Variants in ASTN1 observed in about 807,000 individuals in gnomAD.
ASTN1 encodes astrotactin 1.
A neutral mutation model predicts 140.7 loss-of-function variants in ASTN1; 41 were observed. The observed-to-expected ratio is 0.29, with a 90% CI of 0.23 to 0.38. ASTN1 has a LOEUF of 0.38. ASTN1 is among the 10% of genes least tolerant of loss of function. The pLI is 1.00. For synonymous variants in ASTN1, 640 were observed against 652.2 expected (o/e 0.98, Z 0.29); for missense variants, 1,479 against 1,678.8 (o/e 0.88, Z 2.08).
intron 8 of ASTN1, among the ~76,000 whole-genome samples, chr1:176,999,191 A>G (rs937643190): frequency 1.3e-5 from 2 of 152,220 alleles, no homozygotes; most frequent in African/African-American, 4.8e-5. Context: ...GAGACTGTGG[A>G]GGCAAAATCT....
chr1:176,956,843 A>T (rs1175294519), intron 11 of ASTN1, among the ~76,000 whole-genome samples: 1 of 152,194 alleles, frequency 6.6e-6, no homozygotes, highest in Non-Finnish European at 1.5e-5. Context: ...CTTCACATCC[A>T]TGATGTGGGA....
chr1:177,144,868 G>A (rs1571847020), intron 1 of ASTN1, among the ~76,000 whole-genome samples: 1 of 152,086 alleles, frequency 6.6e-6, no homozygotes, highest in African/African-American at 2.4e-5. Context: ...GGGATCTGGC[G>A]TAAGCCACGA....
intron 20 of ASTN1, among the ~76,000 whole-genome samples, chr1:176,878,554 G>A (rs1202856624): frequency 2.0e-5 from 3 of 151,986 alleles, no homozygotes. Flanking sequence ...TGTTTCATCA[G>A]CTTCTGGTAC....
At chr1:176,964,305 G>A (rs999085850) in intron 9 of ASTN1, among the ~76,000 whole-genome samples, 11 of 152,270 alleles carry the variant, frequency 7.2e-5, no homozygotes, top group African/African-American at 2.6e-4. Flanking sequence ...TTCATCAGCC[G>A]CTTATGCAGG....
intron 1 of ASTN1, among the ~76,000 whole-genome samples, chr1:177,114,011 G>A (rs1680953914): frequency 2.6e-5 from 4 of 152,134 alleles, no homozygotes; most frequent in Non-Finnish European, 5.9e-5. Flanking sequence ...ATGATGACTG[G>A]GAGAAGTCAA....
chr1:177,037,638 T>C (rs1676784600), intron 2 of ASTN1, among the ~76,000 whole-genome samples: 1 of 152,236 alleles, frequency 6.6e-6, no homozygotes, highest in South Asian at 2.1e-4. Flanking sequence ...TTGTAAACTC[T>C]GAACATTAAA....
intron 1 of ASTN1, among the ~76,000 whole-genome samples, chr1:177,095,994 G>A (rs983608502): frequency 6.6e-6 from 1 of 152,152 alleles, no homozygotes; most frequent in African/African-American, 2.4e-5. Context: ...AGACTATTCT[G>A]GAGACTTAAT....
Position 177,062,751 on chromosome 1 carries a change from G to A in ASTN1, c.284-1486C>T, listed in dbSNP as rs143053579. ...AATATATTTCACTATTTGTGGGAGGGCACAACTGATGTTATTTATTTATCG... is the reference window on the plus strand; with the variant it reads ...AATATATTTCACTATTTGTGGGAGGACACAACTGATGTTATTTATTTATCG... On this transcript the variant is annotated intron_variant, in intron 1 of 22. Transcript: ENST00000361833. Among the ~76,000 whole-genome samples the A allele has an allele frequency of 1.4e-4, 22 of 152,260 alleles. No homozygotes were observed. The East Asian group carries it at 4.1e-3, about 28-fold the overall frequency.
At chr1:176,878,560 GGT>G (rs1235275622) in intron 20 of ASTN1, among the ~76,000 whole-genome samples, 1 of 151,948 alleles carries the variant, frequency 6.6e-6, no homozygotes, top group Non-Finnish European at 1.5e-5. Context: ...ATCAGCTTCT[GGT>G]ACTGTTTCTA....
At chr1:176,919,042 G>A (rs1473943576) in intron 16 of ASTN1, among the ~76,000 whole-genome samples, 1 of 152,180 alleles carries the variant, frequency 6.6e-6, no homozygotes, top group African/African-American at 2.4e-5. Context: ...GGGGGCCACT[G>A]CCCCTGTTAC....
At chr1:176,881,196 T>C (rs1220148678) in intron 20 of ASTN1, among the ~76,000 whole-genome samples, 1 of 152,208 alleles carries the variant, frequency 6.6e-6, no homozygotes, top group Admixed American at 6.5e-5. Flanking sequence ...GGAGATTTGC[T>C]GTTTCTTCCT....
At chr1:176,946,298 A>G (rs1042789609) in intron 12 of ASTN1, among the ~76,000 whole-genome samples, 178 bp from the exon 13 acceptor site, 3 of 152,152 alleles carry the variant, frequency 2.0e-5, no homozygotes, top group Non-Finnish European at 4.4e-5. Flanking sequence ...CTGTAAACTG[A>G]GGCTCCTTTC....
intron 16 of ASTN1, among the ~76,000 whole-genome samples, chr1:176,912,948 A>G (rs1174417429): frequency 6.6e-6 from 1 of 152,174 alleles, no homozygotes; most frequent in East Asian, 1.9e-4. Context: ...TGAAGAAAAA[A>G]GAACAGCCTT....
In ASTN1 at chr1:177,034,894, A is replaced by G. The variant is rs78332076; in HGVS notation, c.472-2045T>C. On this transcript the variant is annotated intron_variant, in intron 2 of 22. Coordinates refer to ENST00000361833, the MANE Select transcript of ASTN1 (RefSeq NM_004319.3). ...AGCTGTAAGAGTAGCGTAAGCATCAATCTCTAAGGAATGGCTTAAACACTA... is the reference window on the plus strand; with the variant it reads ...AGCTGTAAGAGTAGCGTAAGCATCAGTCTCTAAGGAATGGCTTAAACACTA... 3.6e-3 allele frequency among the ~76,000 whole-genome samples: 545 copies of G among 152,284 alleles called. 2 individuals carry two copies. Among genetic ancestry groups the G allele is most frequent in the Middle Eastern group, 0.01 (3 of 294 alleles).
At chr1:176,973,532 G>A (rs78633168) in intron 8 of ASTN1, among the ~76,000 whole-genome samples, 6,406 of 152,166 alleles carry the variant, frequency 0.042, 192 homozygotes, top group Non-Finnish European at 0.059. Flanking sequence ...ATCCCTGACC[G>A]CTAACCTCAA....
intron 1 of ASTN1, among the ~76,000 whole-genome samples, chr1:177,091,091 C>T (rs1382299959): frequency 6.6e-6 from 1 of 152,086 alleles, no homozygotes; most frequent in East Asian, 1.9e-4. Flanking sequence ...AAAAAATAAA[C>T]TTCTGAAAGC....
At chr1:177,023,364 T>A (rs2101956264) in intron 7 of ASTN1, 40 bp downstream of exon 7, 2 of 1,536,878 alleles carry the variant, frequency 1.3e-6, no homozygotes, top group Non-Finnish European at 1.8e-6. Context: ...AGAGGCATGA[T>A]CTCTCTGACA....
chr1:176,969,550 G>A (rs1483853767), intron 8 of ASTN1, among the ~76,000 whole-genome samples: 1 of 152,274 alleles, frequency 6.6e-6, no homozygotes, highest in Non-Finnish European at 1.5e-5. Flanking sequence ...GCTTCTGTCT[G>A]CTTGTAATGG....
Position 177,124,412 on chromosome 1 carries a change from G to GA in ASTN1, c.283+39981dup, listed in dbSNP as rs1335132796. Reference sequence around the variant, plus strand: ...CTTTCCTCAGGCCTCTACTGCAGATGAATCCTCTCCCACAAAATTCTCACC... The same window carrying GA: ...CTTTCCTCAGGCCTCTACTGCAGATGAAATCCTCTCCCACAAAATTCTCACC... On this transcript the variant is annotated intron_variant, in intron 1 of 22. Transcript: ENST00000361833. Among the ~76,000 whole-genome samples, 10 of 152,292 alleles carry GA rather than the reference G, an allele frequency of 6.6e-5. No homozygotes were observed. The East Asian group carries it at 1.9e-3, about 29-fold the overall frequency.
Sources: gnomAD v4.1 joint callset for allele counts (sites outside exome capture counted in the v4.1 genomes callset) on GRCh38, gnomAD v4.1.1 for gene constraint, MANE v1.5 for transcripts, NCBI Gene and HGNC (gene_info 2026-07-23, HGNC 2026-07-21) for gene names.